The following MYO1C variants were observed in gnomAD, a reference collection of about 807,000 sequenced individuals.
MYO1C encodes the protein unconventional myosin-Ic.
In MYO1C, 104 loss-of-function variants were observed where a neutral mutation model predicts 150.8. That is an observed-to-expected ratio of 0.69 (90% confidence interval 0.59 to 0.81). MYO1C has a LOEUF of 0.81. Ranked by LOEUF, MYO1C falls within the 30% of genes least tolerant of loss-of-function variation. MYO1C has a pLI of 0.00. For synonymous variants in MYO1C, 663 were observed against 579.9 expected, an observed-to-expected ratio of 1.14 and a Z score of -2.06; for missense variants, 1,504 against 1,435.0, an observed-to-expected ratio of 1.05 and a Z score of -0.78.
In MYO1C at chr17:1,484,410, GGGC is replaced by G. The variant is rs1478659945; in HGVS notation, c.76-110_76-108del. 4.4e-6 allele frequency: 6 copies of G among 1,362,496 alleles called. No homozygotes were observed. The African/African-American group carries it at 5.7e-5, about 13-fold the overall frequency. The allele number at this position is 1,362,496 out of a possible 1,614,324, so 84.4% of individuals were successfully genotyped here. On this transcript the variant is annotated intron_variant, in intron 1 of 31. Transcript: ENST00000648651. ...GGGAACGTAGGGGCTTGTGGACTCCGGGCTAGACACGGGACATGAGCATGACGG... is the reference window on the plus strand; with the variant it reads ...GGGAACGTAGGGGCTTGTGGACTCCGTAGACACGGGACATGAGCATGACGG...
intron 1 of MYO1C, among the ~76,000 whole-genome samples, chr17:1,488,276 C>A (rs1243150839): frequency 6.6e-6 from 1 of 152,142 alleles, no homozygotes; most frequent in African/African-American, 2.4e-5. Flanking sequence ...GGCGCCCCCG[C>A]AGCCACCGCC....
chr17:1,485,361 C>CTGGGGCGTCACTCAGGGCCCGGCA (rs71148492), intron 1 of MYO1C: 6 of 1,087,208 alleles, frequency 5.5e-6, no homozygotes, highest in South Asian at 2.5e-5. Context: ...GATTTCTGGC[C>CTGGGGCGTCACTCAGGGCCCGGCA]GGGGGCCTGC....
chr17:1,480,530 C>T lies in MYO1C; in HGVS notation c.903G>A (p.Val301=), dbSNP rs2074498709. The change falls in exon 7 of 32, where the codon GTG becomes GTA. Residue 301 remains valine (V), a synonymous_variant. Coordinates refer to ENST00000648651, the MANE Select transcript of MYO1C (RefSeq NM_001080779.2). ...AGGGTCCCGGAAGAGGCCTCACCTC[C>T]ACTTCATCCTCGGTGAAATCAATGA... ...LTVIDFTEDE[V]EDLLSIVASV... 1.9e-6 allele frequency: 3 copies of T among 1,612,762 alleles called. No individual in the cohort carries two copies. The highest frequency in any genetic ancestry group is 2.5e-6 in the Non-Finnish European group (3 of 1,178,748).
rs764895261 is a variant in MYO1C, at chr17:1,471,303, C to T, written c.2055G>A (p.Thr685=). 4.3e-6 allele frequency: 7 copies of T among 1,613,826 alleles called. No individual in the cohort carries two copies. Among genetic ancestry groups the T allele is most frequent in the African/African-American group, 4.0e-5 (3 of 74,878 alleles). ...YKSLCPETWP[T]WAGRPQDGVA... ...CCCCATCCTGCGGCCGTCCTGCCCA[C>T]GTGGGCCACGTCTCTGGGCACAGTG... Residue 685 remains threonine (T), a synonymous_variant, in exon 20 of 32, where the codon ACG becomes ACA. Transcript: ENST00000648651.
chr17:1,474,540 C>A, intron 17 of MYO1C, 70 bp downstream of exon 17: 2 of 1,526,566 alleles, frequency 1.3e-6, no homozygotes, highest in Non-Finnish European at 1.8e-6. Context: ...TGCCAGCTCC[C>A]AGGCTCACAC....
chr17:1,479,948 C>T lies in MYO1C; in HGVS notation c.907-243G>A, dbSNP rs112624990. 1.6e-3 allele frequency among the ~76,000 whole-genome samples: 248 copies of T among 151,560 alleles called. 1 individual carries two copies. The highest frequency in any genetic ancestry group is 5.5e-3 in the African/African-American group (226 of 41,260). ...ATCATCTGAGGTCAGGAGTTCGAGA[C>T]CAGCCCAGCCAACATGGCAAAACCC... On this transcript the variant is annotated intron_variant, in intron 7 of 31. Transcript: ENST00000648651. The surrounding 1 kb of genome is among the most constrained non-coding windows in gnomAD (Gnocchi z 4.2).
chr17:1,485,820 C>CCGCACCGCCCCA, intron 1 of MYO1C: 1 of 645,332 alleles, frequency 1.5e-6, no homozygotes, highest in Non-Finnish European at 1.9e-6. Flanking sequence ...GCACCGCCCC[C>CCGCACCGCCCCA]ACCCGGGCCC....
chr17:1,468,686 C>G (rs2074233987), intron 25 of MYO1C, 190 bp from the exon 26 acceptor site: 1 of 614,972 alleles, frequency 1.6e-6, no homozygotes, highest in East Asian at 2.8e-5. Context: ...TCTGCCGCCA[C>G]CAAGCACTCC....
chr17:1,484,883 C>G, intron 1 of MYO1C: 1 of 142,000 alleles, frequency 7.0e-6, no homozygotes. Flanking sequence ...CCCACCCAGA[C>G]CCACCCCCAC....
At chr17:1,484,397 G>A in intron 1 of MYO1C, 94 bp from the exon 2 acceptor site, 1 of 1,456,732 alleles carries the variant, frequency 6.9e-7, no homozygotes. Flanking sequence ...GAACGTAGGG[G>A]CTTGTGGACT....
In MYO1C at chr17:1,482,914, CG is replaced by C; in HGVS notation, c.492del (p.Glu165SerfsTer104). On this transcript the variant is annotated frameshift_variant, in exon 4 of 32. Coordinates refer to ENST00000648651, the MANE Select transcript of MYO1C (RefSeq NM_001080779.2). LOFTEE classifies it high-confidence loss of function. ...CGGTCCCGCACGGCACCTCCGCGCT[CG>C]GGGGCTGGGCAGGTCTCTGCATAGA... ...LQFYAETCPA[P>X]ERGGAVRDRL... The C allele has an allele frequency of 6.2e-7, 1 of 1,611,244 alleles. No individual in the cohort carries two copies.
chr17:1,485,113 G>C, intron 1 of MYO1C: 1 of 1,223,382 alleles, frequency 8.2e-7, no homozygotes, highest in Non-Finnish European at 1.0e-6. Flanking sequence ...CAGGGGATGG[G>C]GGCTTTACCA....
At chr17:1,471,787 C>G in intron 19 of MYO1C, 120 bp downstream of exon 19, 2 of 1,097,314 alleles carry the variant, frequency 1.8e-6, no homozygotes, top group South Asian at 2.6e-5. Context: ...AAGGGCAGCC[C>G]AGGGCCTCCG....
rs777930957 is a variant in MYO1C at position 1,470,616 on chromosome 17, C to A, written c.2281+5G>T. The A allele has an allele frequency of 6.2e-7, 1 of 1,611,678 alleles. No homozygotes were observed. On this transcript the variant is annotated splice_donor_5th_base_variant and intron_variant, in intron 22 of 31. Coordinates refer to ENST00000648651, the MANE Select transcript of MYO1C (RefSeq NM_001080779.2). The stretch of plus-strand genomic sequence containing the variant: ...CCCCTCCTGAACACCCATGGGCCCG[C>A]GAACCTGATCTCTTCACCCGGAGGA...
At position 1,478,162 on chromosome 17, in the gene MYO1C, G is replaced by A. The variant is rs547215469; in HGVS notation, c.1326C>T (p.Asn442=). 3.7e-5 allele frequency: 59 copies of A among 1,613,972 alleles called. No homozygotes were observed. The African/African-American group carries it at 4.3e-4, about 12-fold the overall frequency. The change falls in exon 12 of 32, where the codon AAC becomes AAT. Residue 442 remains asparagine, a synonymous_variant. Coordinates refer to ENST00000648651, the MANE Select transcript of MYO1C (RefSeq NM_001080779.2). This position sits in a 1 kb window ranked among gnomAD's most constrained non-coding sequence, Gnocchi z 6.3. The part of the protein sequence containing the change: ...SFEQFCINYC[N]EKLQQLFIEL... ...CGATGAAGAGCTGCTGCAGCTTCTC[G>A]TTGCAGTAATTGATGCAGAACTGCT...
chr17:1,471,266 C>A lies in MYO1C; in HGVS notation c.2092G>T (p.Val698Phe). Residue 698 changes from valine (V) to phenylalanine (F), a missense_variant, in exon 20 of 32, where the codon GTC (valine) becomes TTC (phenylalanine). Transcript: ENST00000648651. Reference sequence around the variant, plus strand: ...TCTGGCTTGTAGCCCAGGTGTCGGACCAGCACAGCCACCCCATCCTGCGGC... The same window carrying A: ...TCTGGCTTGTAGCCCAGGTGTCGGAACAGCACAGCCACCCCATCCTGCGGC... ...GRPQDGVAVL[V>F]RHLGYKPEEY... is the part of the protein sequence containing the mutation. The A allele has an allele frequency of 6.2e-7, 1 of 1,613,966 alleles. No individual in the cohort carries two copies. Among genetic ancestry groups the A allele is most frequent in the Non-Finnish European group, 8.5e-7 (1 of 1,179,996 alleles).
rs150821723 is a variant in MYO1C, at chr17:1,471,992, C to G, written c.1936G>C (p.Val646Leu). 1.1e-5 allele frequency: 18 copies of G among 1,613,950 alleles called. No homozygotes were observed. Among genetic ancestry groups the G allele is most frequent in the Admixed American group, 1.7e-5 (1 of 60,006 alleles). Residue 646 changes from valine (V) to leucine (L), a missense_variant, in exon 19 of 32, where the codon GTG becomes CTG. Transcript: ENST00000648651. ...TTTTCCAACAGCCCCAGGTACTTCA[C>G]CTGGTGGCGGATCAGCACCTCGTCA... ...RFDEVLIRHQVKYLGLLENLR... is the reference protein window; with the variant it reads ...RFDEVLIRHQLKYLGLLENLR...
rs1329447336 is a variant in MYO1C at position 1,475,016 on chromosome 17, G to A, written c.1591C>T (p.Gln531Ter). The A allele has an allele frequency of 1.3e-6, 2 of 1,552,432 alleles. No individual in the cohort carries two copies. The highest frequency in any genetic ancestry group is 1.7e-6 in the Non-Finnish European group (2 of 1,147,532). Reference sequence around the variant, plus strand: ...CGGCCCAGAGATTTCCTGGTCCGCTGGTCAGCCAGCTTGTGCCTGGGGGTG... The same window carrying A: ...CGGCCCAGAGATTTCCTGGTCCGCTAGTCAGCCAGCTTGTGCCTGGGGGTG... Reference protein sequence around the residue: ...PHFLTHKLADQRTRKSLGRGE... With the variant: ...PHFLTHKLAD The change falls in exon 15 of 32, where the codon CAG becomes TAG. Residue 531 changes from glutamine (Q) to a stop codon, truncating the protein, a stop_gained. Coordinates refer to ENST00000648651, the MANE Select transcript of MYO1C (RefSeq NM_001080779.2). LOFTEE classifies it high-confidence loss of function.
chr17:1,469,340 G>GGGGTAAATAGAGTAGAC, intron 25 of MYO1C, 191 bp downstream of exon 25: 1 of 441,632 alleles, frequency 2.3e-6, no homozygotes, highest in Non-Finnish European at 4.3e-6. Flanking sequence ...AATACGGTAG[G>GGGGTAAATAGAGTAGAC]CGGGGTAAAT....
Sources: gnomAD v4.1 joint callset for allele counts (sites outside exome capture counted in the v4.1 genomes callset) on GRCh38, gnomAD v4.1.1 for gene constraint, Gnocchi (gnomAD v3.1) non-coding constraint, MANE v1.5 for transcripts, NCBI Gene and HGNC (gene_info 2026-07-23, HGNC 2026-07-21) for gene names.